Variants in PPP6R1 observed in about 807,000 individuals in gnomAD.
PPP6R1 encodes serine/threonine-protein phosphatase 6 regulatory subunit 1.
PPP6R1 carries 39 observed loss-of-function variants against 104.6 expected under a neutral mutation model. The ratio of observed to expected loss-of-function variants is 0.37; its 90% CI spans 0.29 to 0.49. The LOEUF (loss-of-function observed/expected upper bound fraction) is 0.49, where lower values mean the gene tolerates loss of function less well. Ranked by LOEUF, PPP6R1 falls within the 20% of genes least tolerant of loss-of-function variation. The probability of loss-of-function intolerance (pLI) is 0.98; values close to 1 mark genes in which losing one functional copy is unlikely to be tolerated. For missense variants in PPP6R1, 1,181 were observed against 1,155.8 expected (o/e 1.02, Z -0.32); for synonymous variants, 549 against 479.0 (o/e 1.15, Z -1.91).
intron 1 of PPP6R1, 24 bp from the exon 2 acceptor site, chr19:55,247,133 G>GC (rs1568949801): frequency 4.4e-6 from 7 of 1,604,460 alleles, no homozygotes; most frequent in Non-Finnish European, 6.0e-6. Flanking sequence ...CACAACCAGC[G>GC]CCGCGTCAGA....
In PPP6R1 at chr19:55,241,172, C is replaced by T. The variant is rs566417442; in HGVS notation, c.1161+67G>A. On this transcript the variant is annotated intron_variant, in intron 9 of 23. Coordinates refer to ENST00000412770, the MANE Select transcript of PPP6R1 (RefSeq NM_014931.4). This position sits in a 1 kb window ranked among gnomAD's most constrained non-coding sequence, Gnocchi z 5.4. ...CCAGCCGAGCCCCCACCCCAGCCCC[C>T]GAACCCTCAGCCCAGTCCAGTCCCC... The T allele has an allele frequency of 7.0e-5, 105 of 1,494,000 alleles. No individual in the cohort carries two copies. The African/African-American group carries it at 1.4e-3, about 20-fold the overall frequency. The allele number at this position is 1,494,000 out of a possible 1,614,324, so 92.5% of individuals were successfully genotyped here.
rs139686170 is a variant in PPP6R1, at chr19:55,242,240, C to A, written c.771G>T (p.Glu257Asp). Residue 257 changes from glutamate (E) to aspartate (D), a missense_variant, in exon 7 of 24, where the codon GAG becomes GAT. By Grantham distance (45) the Glu-to-Asp change is conservative (BLOSUM62 2). Transcript: ENST00000412770. ...TIEQLLSNMF[E>D]GEQSQSVIVS... Reference sequence around the variant, plus strand: ...CGATGACAGACTGGCTCTGCTCCCCCTCGAACATGTTGCTTAAGAGCTGCT... The same window carrying A: ...CGATGACAGACTGGCTCTGCTCCCCATCGAACATGTTGCTTAAGAGCTGCT... 1.2e-6 allele frequency: 2 copies of A among 1,613,980 alleles called. No individual in the cohort carries two copies. Among genetic ancestry groups the A allele is most frequent in the Admixed American group, 1.7e-5 (1 of 60,026 alleles).
At chr19:55,239,727 C>G in intron 13 of PPP6R1, 44 bp from the exon 14 acceptor site, 1 of 1,589,330 alleles carries the variant, frequency 6.3e-7, no homozygotes. Flanking sequence ...AGCCCCCAGA[C>G]CAGGGTGGGC....
At chr19:55,242,115 AGAG>A in intron 7 of PPP6R1, 48 bp downstream of exon 7, 11 of 1,523,622 alleles carry the variant, frequency 7.2e-6, no homozygotes, top group Non-Finnish European at 8.1e-6. Context: ...GAGGGGCCGG[AGAG>A]CCCCTGGGGA....
At position 55,241,160 on chromosome 19, in the gene PPP6R1, C is replaced by T. The variant is rs1307744580; in HGVS notation, c.1161+79G>A. Reference sequence around the variant, plus strand: ...ACCCCTGAGCCCCCAGCCGAGCCCCCACCCCAGCCCCCGAACCCTCAGCCC... The same window carrying T: ...ACCCCTGAGCCCCCAGCCGAGCCCCTACCCCAGCCCCCGAACCCTCAGCCC... On this transcript the variant is annotated intron_variant, in intron 9 of 23. Transcript: ENST00000412770. The surrounding 1 kb of genome is among the most constrained non-coding windows in gnomAD (Gnocchi z 5.4). 2 of 1,496,606 alleles carry T rather than the reference C, an allele frequency of 1.3e-6. No homozygotes were observed. The highest frequency in any genetic ancestry group is 5.0e-5 in the East Asian group (2 of 40,296). The allele number at this position is 1,496,606 out of a possible 1,614,324, so 92.7% of individuals were successfully genotyped here.
Position 55,231,428 on chromosome 19 carries a change from G to T in PPP6R1, c.2441C>A (p.Ala814Asp), listed in dbSNP as rs572578526. 3.1e-6 allele frequency: 5 copies of T among 1,603,968 alleles called. No homozygotes were observed. The highest frequency in any genetic ancestry group is 4.3e-6 in the Non-Finnish European group (5 of 1,175,920). The change falls in exon 21 of 24, where the codon GCC (alanine) becomes GAC (aspartate). Residue 814 changes from alanine to aspartate, a missense_variant. Physicochemically the swap from Ala to Asp is moderately radical, Grantham distance 126. Coordinates refer to ENST00000412770, the MANE Select transcript of PPP6R1 (RefSeq NM_014931.4). Reference sequence around the variant, plus strand: ...TGCTCACCTGTCCGAGGAGCTGGGGGCAGAACGGATCCCGTGGAAGGTGGC... The same window carrying T: ...TGCTCACCTGTCCGAGGAGCTGGGGTCAGAACGGATCCCGTGGAAGGTGGC... ...LQATFHGIRS[A>D]PSSSDSATRD... is the part of the protein sequence containing the mutation.
Position 55,231,613 on chromosome 19 carries a change from C to G in PPP6R1, c.2362G>C (p.Val788Leu). ...APQEATEGSKVTEPSAPCQAL... is the reference protein window; with the variant it reads ...APQEATEGSKLTEPSAPCQAL... ...CGGGGCTCACCTGAGGGCTCCGTGA[C>G]TTTGCTGCCTTCTGTGGCTTCCTGA... Residue 788 changes from valine (V) to leucine (L), a missense_variant, in exon 20 of 24, where the codon GTC (valine) becomes CTC (leucine). This residue lies in a region of PPP6R1 where 1,042 missense variants were observed against 955.6 expected (regional missense o/e 1.09). Coordinates refer to ENST00000412770, the MANE Select transcript of PPP6R1 (RefSeq NM_014931.4). 6.2e-7 allele frequency: 1 copy of G among 1,611,674 alleles called. No individual in the cohort carries two copies. The highest frequency in any genetic ancestry group is 8.5e-7 in the Non-Finnish European group (1 of 1,178,946).
At chr19:55,250,862 G>A (rs1434268848) in intron 1 of PPP6R1, among the ~76,000 whole-genome samples, 2 of 151,982 alleles carry the variant, frequency 1.3e-5, no homozygotes, top group Non-Finnish European at 2.9e-5. Context: ...ACCCCTGCTC[G>A]TTCCCTCTCC....
At chr19:55,234,204 C>T (rs2087374457) in intron 17 of PPP6R1, among the ~76,000 whole-genome samples, 1 of 152,156 alleles carries the variant, frequency 6.6e-6, no homozygotes, top group Non-Finnish European at 1.5e-5. Context: ...ACCTTGGCCT[C>T]CCAAAGTGCT....
chr19:55,229,586 C>T (rs1483372424), downstream of PPP6R1: 2 of 152,240 alleles, frequency 1.3e-5, no homozygotes, highest in Non-Finnish European at 2.9e-5. Context: ...GCCCTGCCCA[C>T]AGGTGGGGTA....
chr19:55,237,129 G>C (rs1363303147), intron 15 of PPP6R1, among the ~76,000 whole-genome samples, 159 bp from the exon 16 acceptor site: 3 of 152,136 alleles, frequency 2.0e-5, no homozygotes, highest in African/African-American at 4.8e-5. Flanking sequence ...CTGGTCCTAA[G>C]GGGCAACGCA....
chr19:55,234,004 G>A (rs1006771681), intron 17 of PPP6R1, among the ~76,000 whole-genome samples: 2 of 152,128 alleles, frequency 1.3e-5, no homozygotes, highest in African/African-American at 4.8e-5. Context: ...GGAGTGCAAT[G>A]AATGGTGCGA....
At chr19:55,253,777 C>T (rs1306849323) in intron 1 of PPP6R1, among the ~76,000 whole-genome samples, 1 of 152,208 alleles carries the variant, frequency 6.6e-6, no homozygotes, top group African/African-American at 2.4e-5. Context: ...CTCTCAGTCC[C>T]CTCTCCCAAC....
chr19:55,231,001 C>T (rs536381535), intron 21 of PPP6R1, 117 bp from the exon 22 acceptor site: 89 of 862,480 alleles, frequency 1.0e-4, no homozygotes, highest in African/African-American at 2.6e-4. Flanking sequence ...ACCTGCCCCA[C>T]GGGGAGGGGC....
At chr19:55,257,480 G>A (rs1482074881) in intron 1 of PPP6R1, among the ~76,000 whole-genome samples, 1 of 152,150 alleles carries the variant, frequency 6.6e-6, no homozygotes, top group African/African-American at 2.4e-5. Flanking sequence ...TAAGCACGCC[G>A]GGCGGAACTA....
intron 1 of PPP6R1, among the ~76,000 whole-genome samples, chr19:55,256,617 C>G (rs943731274): frequency 6.6e-6 from 1 of 152,214 alleles, no homozygotes; most frequent in African/African-American, 2.4e-5. Context: ...TGAAATCAGC[C>G]TGGGCACCAC....
At chr19:55,234,471 G>T (rs777940065) in intron 17 of PPP6R1, among the ~76,000 whole-genome samples, 4 of 152,256 alleles carry the variant, frequency 2.6e-5, no homozygotes, top group Non-Finnish European at 5.9e-5. Context: ...ATATGTAAAG[G>T]GATGAAGGTG....
At chr19:55,248,099 T>C (rs972784395) in intron 1 of PPP6R1, among the ~76,000 whole-genome samples, 13 of 152,216 alleles carry the variant, frequency 8.5e-5, no homozygotes, top group African/African-American at 3.1e-4. Context: ...TCTGAGCCCC[T>C]GCCCTGTACT....
intron 15 of PPP6R1, among the ~76,000 whole-genome samples, chr19:55,237,551 T>G (rs762053992): frequency 2.0e-4 from 31 of 152,284 alleles, no homozygotes; most frequent in Non-Finnish European, 4.3e-4. Flanking sequence ...GTCCCACGTG[T>G]TACGGACAGT....
Sources: allele counts gnomAD v4.1 joint callset (sites outside exome capture counted in the v4.1 genomes callset), GRCh38; gene constraint gnomAD v4.1.1; regional missense constraint gnomAD v4.1.1; non-coding constraint Gnocchi (gnomAD v3.1); transcripts MANE v1.5; gene names NCBI Gene and HGNC (gene_info 2026-07-23, HGNC 2026-07-21).